The following CELF2 variants were observed in gnomAD, a reference collection of about 807,000 sequenced individuals.
CELF2 encodes the protein CUGBP Elav-like family member 2.
In CELF2, 8 loss-of-function variants were observed where a neutral mutation model predicts 62.6. The observed-to-expected ratio is 0.13, with a 90% confidence interval of 0.07 to 0.23. The LOEUF (loss-of-function observed/expected upper bound fraction) is 0.23, where lower values mean the gene tolerates loss of function less well. Among genes scored for constraint, CELF2 ranks in the 10% least tolerant of loss-of-function variants. CELF2 has a pLI of 1.00. For missense variants in CELF2, 333 were observed against 671.0 expected (o/e 0.50, Z 5.56); for synonymous variants, 258 against 250.0 (o/e 1.03, Z -0.30).
chr10:10,869,304 C>T (rs1458949675), intron 1 of CELF2, among the ~76,000 whole-genome samples: 1 of 152,192 alleles, frequency 6.6e-6, no homozygotes, highest in African/African-American at 2.4e-5. Context: ...TGGCTCACAT[C>T]TGTAATCCCA....
chr10:11,305,462 C>T lies in CELF2; in HGVS notation c.977-8677C>T, dbSNP rs979774048. Among the ~76,000 whole-genome samples the T allele has an allele frequency of 1.1e-4, 16 of 152,218 alleles. No homozygotes were observed. Among genetic ancestry groups the T allele is most frequent in the African/African-American group, 3.6e-4 (15 of 41,448 alleles). ...CATCTTTCAAGCGCAGGAAAGACTC[C>T]AGTCTAGTTCACAGTTTGCCTGGGA... On this transcript the variant is annotated intron_variant, in intron 9 of 12. Transcript: ENST00000633077. This position sits in a 1 kb window ranked among gnomAD's most constrained non-coding sequence, Gnocchi z 4.8.
chr10:10,922,402 A>T (rs1362121073), intron 2 of CELF2, among the ~76,000 whole-genome samples: 1 of 152,202 alleles, frequency 6.6e-6, no homozygotes, highest in East Asian at 1.9e-4. Context: ...TAATGGAACG[A>T]GGAATGACTT....
At chr10:11,194,258 G>C (rs760751553) in intron 2 of CELF2, among the ~76,000 whole-genome samples, 3 of 151,930 alleles carry the variant, frequency 2.0e-5, no homozygotes, top group Non-Finnish European at 4.4e-5. Context: ...TAGAGACGGG[G>C]TTTCACCATC....
At chr10:10,577,845 C>G in the CELF2 span, among the ~76,000 whole-genome samples, 1 of 152,044 alleles carries the variant, frequency 6.6e-6, no homozygotes, top group African/African-American at 2.4e-5. Context: ...TTTATAGCAG[C>G]ATGATTTATA....
chr10:10,703,918 C>T, the CELF2 span, among the ~76,000 whole-genome samples: 6 of 152,268 alleles, frequency 3.9e-5, no homozygotes, highest in Middle Eastern at 3.4e-3. Flanking sequence ...AACTTATACA[C>T]GATCTCTTCT....
chr10:11,282,782 G>C (rs1427208856), intron 8 of CELF2, among the ~76,000 whole-genome samples: 1 of 152,240 alleles, frequency 6.6e-6, no homozygotes, highest in Non-Finnish European at 1.5e-5. Flanking sequence ...TTCAGCCCGG[G>C]TCATGTGAGA....
the CELF2 span, among the ~76,000 whole-genome samples, chr10:10,553,463 C>T: frequency 1.3e-5 from 2 of 152,156 alleles, no homozygotes; most frequent in Non-Finnish European, 2.9e-5. Flanking sequence ...GCCCCATCTC[C>T]AAATATCATT....
rs1184902702 is a variant in CELF2 at position 11,199,059 on chromosome 10, GA to G, written c.272-18365del. On this transcript the variant is annotated intron_variant, in intron 2 of 12. Coordinates refer to ENST00000633077, the MANE Select transcript of CELF2 (RefSeq NM_001326342.2). ...CAGGTAACCATGGATACCTTAGGAGGAGGGGTTGGTAGGACCTGAGAGGAGG... is the reference window on the plus strand; with the variant it reads ...CAGGTAACCATGGATACCTTAGGAGGGGGGTTGGTAGGACCTGAGAGGAGG... 3.9e-5 allele frequency among the ~76,000 whole-genome samples: 6 copies of G among 152,318 alleles called. No homozygotes were observed. The South Asian group carries it at 1.2e-3, about 32-fold the overall frequency.
At chr10:11,050,397 C>G (rs952637425) in intron 1 of CELF2, among the ~76,000 whole-genome samples, 10 of 152,142 alleles carry the variant, frequency 6.6e-5, no homozygotes, top group African/African-American at 2.2e-4. Context: ...CTGGGACATG[C>G]GTGAGATGAG....
At chr10:11,059,166 C>A (rs1386524498) in intron 1 of CELF2, among the ~76,000 whole-genome samples, 3 of 152,186 alleles carry the variant, frequency 2.0e-5, no homozygotes, top group African/African-American at 7.2e-5. Flanking sequence ...AGAACCATCA[C>A]TAGAACGCAG....
chr10:10,536,075 A>C, the CELF2 span, among the ~76,000 whole-genome samples: 19 of 147,202 alleles, frequency 1.3e-4, no homozygotes, highest in African/African-American at 4.8e-4. Flanking sequence ...GCTGTAGTGC[A>C]GTGGTGCGAT....
the CELF2 span, among the ~76,000 whole-genome samples, chr10:10,502,453 G>C: frequency 6.6e-6 from 1 of 151,940 alleles, no homozygotes; most frequent in Non-Finnish European, 1.5e-5. Flanking sequence ...AATTGTTACA[G>C]AGCTATTCAA....
upstream of CELF2, among the ~76,000 whole-genome samples, chr10:10,794,119 G>A (rs563452883): frequency 1.1e-4 from 17 of 152,234 alleles, no homozygotes; most frequent in Non-Finnish European, 1.8e-4. Context: ...TTGTTGCCAC[G>A]CCGTGGTTTG....
the CELF2 span, among the ~76,000 whole-genome samples, chr10:10,671,811 C>A: frequency 3.4e-4 from 51 of 152,040 alleles, no homozygotes; most frequent in Admixed American, 6.5e-4. Context: ...CTCACTGCAA[C>A]CTCTGCCTCC....
intron 1 of CELF2, among the ~76,000 whole-genome samples, chr10:11,127,563 C>T (rs1205591540): frequency 6.6e-6 from 1 of 152,134 alleles, no homozygotes; most frequent in Non-Finnish European, 1.5e-5. Context: ...CTGTTGTTTC[C>T]TGACTTTTTA....
At position 11,097,526 on chromosome 10, in the gene CELF2, G is replaced by C. The variant is rs547490805; in HGVS notation, c.75-67960G>C. On this transcript the variant is annotated intron_variant, in intron 1 of 12. Coordinates refer to ENST00000633077, the MANE Select transcript of CELF2 (RefSeq NM_001326342.2). Reference sequence around the variant, plus strand: ...GCTATCTCTGCCTCGAGCCACTTGGGTTATAATAAGGTTGTGGTCTACCCT... The same window carrying C: ...GCTATCTCTGCCTCGAGCCACTTGGCTTATAATAAGGTTGTGGTCTACCCT... 3 of 152,288 alleles carry C rather than the reference G, an allele frequency of 2.0e-5. No individual in the cohort carries two copies. In the East Asian group the frequency reaches 5.8e-4, roughly 29 times the overall value. The allele number at this position is 152,288 out of a possible 1,614,324, so 9.4% of individuals were successfully genotyped here.
At chr10:10,767,034 T>C in the CELF2 span, among the ~76,000 whole-genome samples, 1 of 152,148 alleles carries the variant, frequency 6.6e-6, no homozygotes, top group Non-Finnish European at 1.5e-5. Context: ...GGCTGGAAGT[T>C]CTATGGAGTT....
In CELF2 at chr10:11,224,741, A is replaced by G. The variant is rs988650895; in HGVS notation, c.354+7234A>G. Among the ~76,000 whole-genome samples, 1 of 152,162 alleles carries G rather than the reference A, an allele frequency of 6.6e-6. No homozygotes were observed. The highest frequency in any genetic ancestry group is 1.5e-5 in the Non-Finnish European group (1 of 68,038). ...TAATCTTTGACATCAGCTGAGCGTA[A>G]CTCAGGAGATGATGTCCAGGTGAAG... On this transcript the variant is annotated intron_variant, in intron 3 of 12. Transcript: ENST00000633077. This position sits in a 1 kb window ranked among gnomAD's most constrained non-coding sequence, Gnocchi z 4.5.
chr10:10,589,671 G>T, the CELF2 span, among the ~76,000 whole-genome samples: 1 of 152,150 alleles, frequency 6.6e-6, no homozygotes, highest in East Asian at 1.9e-4. Flanking sequence ...CAAGCTGGGG[G>T]TCATGGAAAT....
Sources: gnomAD v4.1 joint callset for allele counts (sites outside exome capture counted in the v4.1 genomes callset) on GRCh38, gnomAD v4.1.1 for gene constraint, Gnocchi (gnomAD v3.1) non-coding constraint, MANE v1.5 for transcripts, NCBI Gene and HGNC (gene_info 2026-07-23, HGNC 2026-07-21) for gene names.